DPF3: variants seen among roughly 807,000 people sequenced by gnomAD.
DPF3 encodes the protein double PHD fingers 3.
Under a neutral mutation model 56.8 loss-of-function variants are expected in DPF3, and 18 were observed. The ratio of observed to expected loss-of-function variants is 0.32; its 90% CI spans 0.22 to 0.47. The LOEUF is 0.47. Ranked by LOEUF, DPF3 falls within the 20% of genes least tolerant of loss-of-function variation. DPF3 has a pLI of 1.00. For missense variants in DPF3, 403 were observed against 488.8 expected (o/e 0.82, Z 1.65); for synonymous variants, 188 against 180.2 (o/e 1.04, Z -0.35).
chr14:72,892,366 G>T, intron 1 of DPF3: 1 of 1,531,052 alleles, frequency 6.5e-7, no homozygotes, highest in Admixed American at 2.0e-5. Flanking sequence ...GTGAAACGCT[G>T]TGGCGTTCAA....
chr14:72,764,354 G>A (rs962723979), intron 2 of DPF3, among the ~76,000 whole-genome samples: 8 of 152,050 alleles, frequency 5.3e-5, no homozygotes, highest in African/African-American at 1.9e-4. Context: ...GGCTCACCTG[G>A]AGAAGGCATG....
chr14:72,844,232 C>G (rs545427192), intron 1 of DPF3, among the ~76,000 whole-genome samples: 1 of 152,206 alleles, frequency 6.6e-6, no homozygotes, highest in Non-Finnish European at 1.5e-5. Context: ...CGTTAGAAAA[C>G]TGCCTCCACA....
intron 1 of DPF3, among the ~76,000 whole-genome samples, chr14:72,779,763 C>T (rs1246972242): frequency 6.6e-6 from 1 of 152,274 alleles, no homozygotes; most frequent in East Asian, 1.9e-4. Flanking sequence ...GCAGTACTTG[C>T]TGCCACTTTG....
intron 1 of DPF3, among the ~76,000 whole-genome samples, chr14:72,889,158 C>A (rs1456846330): frequency 6.6e-6 from 1 of 152,138 alleles, no homozygotes; most frequent in Non-Finnish European, 1.5e-5. Flanking sequence ...AATTCAAGCC[C>A]ACCTTATGTG....
chr14:72,634,197 C>T (rs1057205187), intron 8 of DPF3, among the ~76,000 whole-genome samples: 8 of 152,182 alleles, frequency 5.3e-5, no homozygotes, highest in African/African-American at 1.9e-4. Context: ...TGTAACTTCT[C>T]AGCCAGGGAG....
intron 1 of DPF3, chr14:72,892,102 G>A (rs1168938384): frequency 6.7e-7 from 1 of 1,501,970 alleles, no homozygotes; most frequent in Admixed American, 2.2e-5. Flanking sequence ...CGCGAAAGCG[G>A]GCTCCCGGGT....
chr14:72,873,509 G>C (rs1025705812), intron 1 of DPF3, among the ~76,000 whole-genome samples: 2 of 152,358 alleles, frequency 1.3e-5, no homozygotes, highest in African/African-American at 2.4e-5. Context: ...GTGGAAGTCA[G>C]TGTGGCGATT....
chr14:72,872,754 C>T (rs1885951679), intron 1 of DPF3, among the ~76,000 whole-genome samples: 1 of 152,122 alleles, frequency 6.6e-6, no homozygotes, highest in African/African-American at 2.4e-5. Flanking sequence ...ACAGAGGCCT[C>T]AGAAATAATG....
At chr14:72,797,949 T>C (rs1892705074) in intron 1 of DPF3, among the ~76,000 whole-genome samples, 1 of 152,134 alleles carries the variant, frequency 6.6e-6, no homozygotes, top group Non-Finnish European at 1.5e-5. Context: ...CTGAGCACTT[T>C]TTACCGTCAA....
intron 2 of DPF3, 73 bp downstream of exon 2, chr14:72,771,660 G>A: frequency 6.6e-7 from 1 of 1,523,418 alleles, no homozygotes; most frequent in South Asian, 1.3e-5. Flanking sequence ...TGGTTTCCCA[G>A]ACAAGCTGCG....
Position 72,714,406 on chromosome 14 carries a change from G to A in DPF3, c.604+17C>T, listed in dbSNP as rs777670419. 1 of 1,613,098 alleles carries A rather than the reference G, an allele frequency of 6.2e-7. No individual in the cohort carries two copies. The highest frequency in any genetic ancestry group is 8.5e-7 in the Non-Finnish European group (1 of 1,179,256). ...GGCGCACAGGGAGGAAGGAAGGTGG[G>A]ACCGGCCCATACTTACTGTCACAGA... On this transcript the variant is annotated intron_variant, in intron 6 of 10. Coordinates refer to ENST00000556509, the MANE Select transcript of DPF3 (RefSeq NM_001280542.3).
chr14:72,615,025 G>A lies in DPF3; in HGVS notation c.*4272C>T, dbSNP rs992157982. Among the ~76,000 whole-genome samples the A allele has an allele frequency of 4.6e-5, 7 of 151,984 alleles. No homozygotes were observed. Among genetic ancestry groups the A allele is most frequent in the Admixed American group, 1.3e-4 (2 of 15,268 alleles). ...ACCAGGAGCCAGGCCTGGGACTTGC[G>A]GCATCCTGTGGGAGTGTGAGCGTGG... On this transcript the variant is annotated 3_prime_UTR_variant, in exon 11 of 11. Transcript: ENST00000556509.
At chr14:72,671,205 C>T (rs763791361) in intron 8 of DPF3, 1 of 1,613,990 alleles carries the variant, frequency 6.2e-7, no homozygotes, top group South Asian at 1.1e-5. Flanking sequence ...AGGAGCGAGG[C>T]TCTTCCAAAT....
intron 1 of DPF3, among the ~76,000 whole-genome samples, chr14:72,783,121 T>G (rs755465245): frequency 6.6e-6 from 1 of 152,148 alleles, no homozygotes; most frequent in Non-Finnish European, 1.5e-5. Flanking sequence ...TCCCAGATCT[T>G]CTTGTAGCTG....
chr14:72,772,850 T>G (rs772484363), intron 1 of DPF3, among the ~76,000 whole-genome samples: 32 of 152,098 alleles, frequency 2.1e-4, no homozygotes, highest in Non-Finnish European at 3.8e-4. Flanking sequence ...TAACATAACT[T>G]ATGCCAGGTA....
chr14:72,799,927 T>C (rs1892802852), intron 1 of DPF3, among the ~76,000 whole-genome samples: 1 of 152,198 alleles, frequency 6.6e-6, no homozygotes, highest in South Asian at 2.1e-4. Context: ...AGGACCTTGC[T>C]GAGCCCCTAG....
chr14:72,803,947 T>C (rs1892986807), intron 1 of DPF3, among the ~76,000 whole-genome samples: 1 of 152,044 alleles, frequency 6.6e-6, no homozygotes, highest in Non-Finnish European at 1.5e-5. Flanking sequence ...GCAAATAACT[T>C]CACTGAAAGA....
chr14:72,759,260 C>T (rs1890969007), intron 2 of DPF3, among the ~76,000 whole-genome samples: 1 of 151,590 alleles, frequency 6.6e-6, no homozygotes, highest in African/African-American at 2.4e-5. Flanking sequence ...AAAATGAAAC[C>T]CACAGGAAAA....
At chr14:72,811,675 T>A (rs1005063140) in intron 1 of DPF3, among the ~76,000 whole-genome samples, 1 of 152,132 alleles carries the variant, frequency 6.6e-6, no homozygotes, top group Non-Finnish European at 1.5e-5. Context: ...AAACCAGACA[T>A]GATAGAGGAA....
Sources: gnomAD v4.1 joint callset for allele counts (sites outside exome capture counted in the v4.1 genomes callset) on GRCh38, gnomAD v4.1.1 for gene constraint, MANE v1.5 for transcripts, NCBI Gene and HGNC (gene_info 2026-07-23, HGNC 2026-07-21) for gene names.